Variants in DAPK1 observed in about 807,000 individuals in gnomAD.
DAPK1 encodes death-associated protein kinase 1.
DAPK1 carries 56 observed loss-of-function variants against 144.9 expected under a neutral mutation model. That is an observed-to-expected ratio of 0.39 (90% CI 0.31 to 0.48). The LOEUF is 0.48. DAPK1 is among the 20% of genes least tolerant of loss of function. DAPK1 has a pLI of 0.95. For missense variants in DAPK1, 1,454 were observed against 1,875.4 expected (o/e 0.78, Z 4.15); for synonymous variants, 690 against 749.0 (o/e 0.92, Z 1.29).
chr9:87,635,668 G>A (rs115704939), intron 3 of DAPK1, among the ~76,000 whole-genome samples: 2,268 of 152,232 alleles, frequency 0.015, 66 homozygotes, highest in African/African-American at 0.052. Flanking sequence ...CCTTACCCAC[G>A]TGCCAGCCTT....
intron 19 of DAPK1, among the ~76,000 whole-genome samples, chr9:87,672,004 T>C (rs1362888477): frequency 6.6e-6 from 1 of 152,222 alleles, no homozygotes; most frequent in East Asian, 1.9e-4. Flanking sequence ...GCTAGCAAGC[T>C]GTTCAACAGC....
chr9:87,646,268 G>A (rs977476279), intron 12 of DAPK1, among the ~76,000 whole-genome samples, 193 bp from the exon 13 acceptor site: 2 of 152,172 alleles, frequency 1.3e-5, no homozygotes, highest in African/African-American at 4.8e-5. Context: ...TAATGAAAAT[G>A]TCCCTGATGA....
intron 2 of DAPK1, among the ~76,000 whole-genome samples, chr9:87,536,075 G>A (rs747756778): frequency 3.3e-5 from 5 of 152,172 alleles, no homozygotes; most frequent in Non-Finnish European, 5.9e-5. Context: ...ATTCATTTAT[G>A]TTCTTTCTTG....
chr9:87,665,226 G>A (rs1246698974), intron 18 of DAPK1, among the ~76,000 whole-genome samples: 2 of 149,962 alleles, frequency 1.3e-5, no homozygotes, highest in African/African-American at 4.9e-5. Context: ...ACTAGATTCT[G>A]GATCCCATGA....
intron 3 of DAPK1, chr9:87,633,143 G>C: frequency 1.0e-6 from 1 of 982,692 alleles, no homozygotes; most frequent in Non-Finnish European, 1.2e-6. Flanking sequence ...GTACATGTAG[G>C]GATGAAGGAG....
intron 2 of DAPK1, among the ~76,000 whole-genome samples, chr9:87,591,689 A>G (rs1269169780): frequency 6.6e-6 from 1 of 152,246 alleles, no homozygotes; most frequent in African/African-American, 2.4e-5. Context: ...CAATTCTTCT[A>G]TCTCATGTCT....
Position 87,651,529 on chromosome 9 carries a change from C to A in DAPK1, c.1629C>A (p.Asp543Glu), listed in dbSNP as rs371746705. The A allele has an allele frequency of 6.2e-7, 1 of 1,614,042 alleles. No homozygotes were observed. Among genetic ancestry groups the A allele is most frequent in the Non-Finnish European group, 8.5e-7 (1 of 1,179,980 alleles). The change falls in exon 17 of 26, where the codon GAC becomes GAA. Residue 543 changes from aspartate (D) to glutamate (E), a missense_variant and splice_region_variant. Around this residue, in one of 2 missense-constraint regions of DAPK1, gnomAD observed 1,025 missense variants for 1,237.9 expected, o/e 0.83. Transcript: ENST00000408954. ...TGATCTCTGGGGTTTGTTTCCAGGA[C>A]GGACACATTGCCCTTCATCTGGCTG... ...HGADLNACDK[D>E]GHIALHLAVR...
intron 2 of DAPK1, among the ~76,000 whole-genome samples, chr9:87,511,668 T>TTTTGTGTGTGTGTG (rs377228751): frequency 5.0e-5 from 7 of 140,636 alleles, no homozygotes; most frequent in Admixed American, 4.3e-4. Context: ...TCTTTTTCTT[T>TTTTGTGTGTGTGTG]TGTGTGTGTG....
chr9:87,499,875 C>T (rs183530185), intron 2 of DAPK1, among the ~76,000 whole-genome samples: 1 of 152,228 alleles, frequency 6.6e-6, no homozygotes, highest in Admixed American at 6.5e-5. Flanking sequence ...TTTCCTTTGA[C>T]TGTGTATTAG....
In DAPK1 at chr9:87,706,389, G is replaced by A. The variant is rs199954255; in HGVS notation, c.3318G>A (p.Leu1106=). Reference sequence around the variant, plus strand: ...GGACCATGGTGGACGTCCCAGCCCTGATCAAGACAGACAACCTGCACCGCT... The same window carrying A: ...GGACCATGGTGGACGTCCCAGCCCTAATCAAGACAGACAACCTGCACCGCT... ...SSGTMVDVPA[L]IKTDNLHRSW... is the part of the protein sequence containing the mutation. The change falls in exon 26 of 26, where the codon CTG becomes CTA. Residue 1106 remains leucine (L), a synonymous_variant. Transcript: ENST00000408954. The surrounding 1 kb of genome is among the most constrained non-coding windows in gnomAD (Gnocchi z 9.0). 6.2e-5 allele frequency: 100 copies of A among 1,611,844 alleles called. No homozygotes were observed. In the African/African-American group the frequency reaches 1.2e-3, roughly 20 times the overall value.
rs368363002 is a variant in DAPK1 at position 87,646,066 on chromosome 9, C to T, written c.1131+52C>T. 5.4e-5 allele frequency: 86 copies of T among 1,582,334 alleles called. 1 individual carries two copies. In the African/African-American group the frequency reaches 1.1e-3, roughly 20 times the overall value. ...GAGGGGTGGGTCACAGCGACCTTGCCCTTCCATATCCAAGGAAAGACCCCA... is the reference window on the plus strand; with the variant it reads ...GAGGGGTGGGTCACAGCGACCTTGCTCTTCCATATCCAAGGAAAGACCCCA... On this transcript the variant is annotated intron_variant, in intron 12 of 25. Coordinates refer to ENST00000408954, the MANE Select transcript of DAPK1 (RefSeq NM_004938.4).
At chr9:87,571,476 A>ACCCCCACACACAC (rs771023885) in intron 2 of DAPK1, among the ~76,000 whole-genome samples, 1 of 48,548 alleles carries the variant, frequency 2.1e-5, no homozygotes, top group Non-Finnish European at 3.7e-5. Context: ...CACACACACC[A>ACCCCCACACACAC]ACACACACAC....
At chr9:87,516,771 T>G (rs1394684635) in intron 2 of DAPK1, among the ~76,000 whole-genome samples, 1 of 151,996 alleles carries the variant, frequency 6.6e-6, no homozygotes, top group Non-Finnish European at 1.5e-5. Context: ...ATTGGGGCAT[T>G]TTCCCATGTG....
intron 2 of DAPK1, among the ~76,000 whole-genome samples, chr9:87,573,031 A>C (rs1827416431): frequency 6.6e-6 from 1 of 152,172 alleles, no homozygotes; most frequent in Admixed American, 6.5e-5. Context: ...CTTATACAAA[A>C]CACTGAGCAA....
At position 87,681,468 on chromosome 9, in the gene DAPK1, A is replaced by T; in HGVS notation, c.2066A>T (p.Lys689Met). 1 of 1,613,772 alleles carries T rather than the reference A, an allele frequency of 6.2e-7. No homozygotes were observed. Reference sequence around the variant, plus strand: ...ACACAGAACCTGCAGCCAAGAATTAAGCTCAAGCTGTTTGGCCACTCGGGA... The same window carrying T: ...ACACAGAACCTGCAGCCAAGAATTATGCTCAAGCTGTTTGGCCACTCGGGA... Reference protein sequence around the residue: ...RPTQNLQPRIKLKLFGHSGSG... With the variant: ...RPTQNLQPRIMLKLFGHSGSG... The change falls in exon 20 of 26, where the codon AAG (lysine) becomes ATG (methionine). Residue 689 changes from lysine (K) to methionine (M), a missense_variant. Coordinates refer to ENST00000408954, the MANE Select transcript of DAPK1 (RefSeq NM_004938.4).
upstream of DAPK1, chr9:87,497,789 G>A (rs972140745): frequency 1.4e-5 from 5 of 354,950 alleles, no homozygotes; most frequent in African/African-American, 6.4e-5. Flanking sequence ...GGGCCGCGCC[G>A]CCAGCCCGCT....
chr9:87,497,933 G>A lies in DAPK1; in HGVS notation c.-283G>A. 1.0e-5 allele frequency: 4 copies of A among 396,448 alleles called. No homozygotes were observed. Among genetic ancestry groups the A allele is most frequent in the Non-Finnish European group, 1.8e-5 (4 of 225,176 alleles). The allele number at this position is 396,448 out of a possible 1,614,324, so 24.6% of individuals were successfully genotyped here. A position where few individuals can be genotyped will look rare whatever the true frequency, so the allele number is the denominator to read the frequency against. On this transcript the variant is annotated 5_prime_UTR_variant, in exon 1 of 26. Transcript: ENST00000408954. The stretch of plus-strand genomic sequence containing the variant: ...GGGGACTTTGTTCCCTCCGCGGAGG[G>A]GACTCGGCAACTCGCAGCGGCAGGG...
chr9:87,647,192 T>C, intron 13 of DAPK1, 113 bp from the exon 14 acceptor site: 1 of 828,270 alleles, frequency 1.2e-6, no homozygotes, highest in Non-Finnish European at 2.1e-6. Flanking sequence ...GGGAAGTTGC[T>C]CCTCTGGGGT....
intron 21 of DAPK1, among the ~76,000 whole-genome samples, chr9:87,692,678 A>T (rs1825102253): frequency 6.6e-6 from 1 of 152,110 alleles, no homozygotes; most frequent in Non-Finnish European, 1.5e-5. Flanking sequence ...ATGATGAAAG[A>T]ATTGTCCTTT....
Sources: allele counts gnomAD v4.1 joint callset (sites outside exome capture counted in the v4.1 genomes callset), GRCh38; gene constraint gnomAD v4.1.1; regional missense constraint gnomAD v4.1.1; non-coding constraint Gnocchi (gnomAD v3.1); transcripts MANE v1.5; gene names NCBI Gene and HGNC (gene_info 2026-07-23, HGNC 2026-07-21).